The following OPRD1 variants were observed in gnomAD, a reference collection of about 807,000 sequenced individuals.
OPRD1 encodes opioid receptor delta 1.
In OPRD1, 19 loss-of-function variants were observed where a neutral mutation model predicts 17.5. The observed-to-expected ratio is 1.09, with a 90% CI of 0.76 to 1.60. OPRD1 has a LOEUF of 1.60. Among genes scored for constraint, OPRD1 ranks in the 40% most tolerant of loss-of-function variants. The pLI is 0.00. For synonymous variants in OPRD1, 256 were observed against 240.9 expected, an observed-to-expected ratio of 1.06 and a Z score of -0.58; for missense variants, 483 against 547.2, an observed-to-expected ratio of 0.88 and a Z score of 1.17.
At chr1:28,826,683 A>G (rs1264382055) in intron 1 of OPRD1, among the ~76,000 whole-genome samples, 4 of 152,174 alleles carry the variant, frequency 2.6e-5, no homozygotes, top group African/African-American at 9.7e-5. Flanking sequence ...TGCTGGTGAA[A>G]GGTCTTACCT....
chr1:28,854,217 A>G (rs1355948624), intron 1 of OPRD1, among the ~76,000 whole-genome samples: 1 of 151,926 alleles, frequency 6.6e-6, no homozygotes, highest in African/African-American at 2.4e-5. Flanking sequence ...CCAAATGGAA[A>G]GCCAGTTTAG....
At chr1:28,853,511 A>C (rs1336346655) in intron 1 of OPRD1, among the ~76,000 whole-genome samples, 1 of 152,212 alleles carries the variant, frequency 6.6e-6, no homozygotes, top group African/African-American at 2.4e-5. Context: ...ACGCTTCAAC[A>C]AGTACTATCT....
At chr1:28,825,664 G>T (rs572893709) in intron 1 of OPRD1, among the ~76,000 whole-genome samples, 4 of 152,220 alleles carry the variant, frequency 2.6e-5, no homozygotes, top group African/African-American at 9.6e-5. Context: ...GATTACAGGC[G>T]TGAGCCACAG....
chr1:28,822,044 T>A lies in OPRD1; in HGVS notation c.227+9434T>A, dbSNP rs897271063. ...TCGGCTCACCACAACCTCCGCCTCC[T>A]GGGTTCAAGCGATTCTCCTGCCTCA... On this transcript the variant is annotated intron_variant, in intron 1 of 2. Transcript: ENST00000234961. Among the ~76,000 whole-genome samples, 7 of 151,474 alleles carry A rather than the reference T, an allele frequency of 4.6e-5. No homozygotes were observed. The East Asian group carries it at 1.2e-3, about 25-fold the overall frequency.
At chr1:28,831,511 A>G (rs1260563336) in intron 1 of OPRD1, among the ~76,000 whole-genome samples, 1 of 148,650 alleles carries the variant, frequency 6.7e-6, no homozygotes, top group Admixed American at 6.7e-5. Context: ...TCCGTCTCAA[A>G]AAAAAAAAAA....
chr1:28,831,041 G>A (rs1425415408), intron 1 of OPRD1, among the ~76,000 whole-genome samples: 2 of 152,238 alleles, frequency 1.3e-5, no homozygotes, highest in Non-Finnish European at 2.9e-5. Flanking sequence ...CAGGACAGAT[G>A]GAGATAATCT....
intron 1 of OPRD1, among the ~76,000 whole-genome samples, chr1:28,844,504 T>C (rs1348049199): frequency 2.0e-5 from 3 of 152,086 alleles, no homozygotes; most frequent in Non-Finnish European, 4.4e-5. Flanking sequence ...TTGGCCAGGC[T>C]GGTCTCAAAC....
chr1:28,853,107 C>G (rs909390203), intron 1 of OPRD1, among the ~76,000 whole-genome samples: 1 of 152,174 alleles, frequency 6.6e-6, no homozygotes, highest in Admixed American at 6.6e-5. Context: ...TGAGTTAGCC[C>G]TCATCTACTG....
intron 1 of OPRD1, among the ~76,000 whole-genome samples, chr1:28,833,042 CTG>C (rs2088821709): frequency 6.6e-6 from 1 of 152,156 alleles, no homozygotes; most frequent in East Asian, 1.9e-4. Context: ...GAAATTACAA[CTG>C]TGGAAAAAAT....
intron 1 of OPRD1, among the ~76,000 whole-genome samples, chr1:28,850,037 G>A (rs963783131): frequency 2.0e-5 from 3 of 151,998 alleles, no homozygotes; most frequent in Non-Finnish European, 4.4e-5. Context: ...CCGCCACTAC[G>A]TCTGGCTAAT....
chr1:28,847,829 T>C (rs2088967221), intron 1 of OPRD1, among the ~76,000 whole-genome samples: 1 of 151,728 alleles, frequency 6.6e-6, no homozygotes, highest in Non-Finnish European at 1.5e-5. Context: ...AGAACCTGCC[T>C]CAAAAATAAA....
intron 1 of OPRD1, among the ~76,000 whole-genome samples, chr1:28,854,393 AT>A (rs111966727): frequency 3.9e-4 from 57 of 145,820 alleles, no homozygotes; most frequent in African/African-American, 3.8e-4. Flanking sequence ...TGCCCAACTA[AT>A]TTTTTTTTTT....
intron 1 of OPRD1, among the ~76,000 whole-genome samples, chr1:28,825,455 G>A (rs1461855493): frequency 2.0e-5 from 3 of 151,956 alleles, no homozygotes; most frequent in Admixed American, 6.6e-5. Flanking sequence ...GCACGATCTC[G>A]GCTCACTGCA....
At chr1:28,851,943 G>A (rs552413316) in intron 1 of OPRD1, among the ~76,000 whole-genome samples, 16 of 151,216 alleles carry the variant, frequency 1.1e-4, no homozygotes, top group Non-Finnish European at 2.9e-5. Flanking sequence ...TGAGGTGGGC[G>A]GATCATGAGG....
intron 1 of OPRD1, 65 bp downstream of exon 1, chr1:28,812,675 T>C (rs1557565891): frequency 1.5e-5 from 20 of 1,347,270 alleles, no homozygotes; most frequent in Non-Finnish European, 1.6e-5. Context: ...ATCACGAACT[T>C]GAGACCCCAA....
intron 1 of OPRD1, among the ~76,000 whole-genome samples, chr1:28,822,736 T>C (rs1449199417): frequency 6.6e-6 from 1 of 151,998 alleles, no homozygotes; most frequent in Non-Finnish European, 1.5e-5. Context: ...ATGATCCACC[T>C]GCCTCAGCCT....
intron 1 of OPRD1, among the ~76,000 whole-genome samples, chr1:28,823,167 G>A (rs964529256): frequency 1.4e-5 from 2 of 147,656 alleles, no homozygotes; most frequent in African/African-American, 5.0e-5. Flanking sequence ...GGTGTGTGCA[G>A]AAAGAATCTT....
chr1:28,863,580 T>C lies in OPRD1; in HGVS notation c.*297T>C. The C allele has an allele frequency of 2.7e-6, 1 of 367,836 alleles. No homozygotes were observed. The highest frequency in any genetic ancestry group is 4.6e-5 in the Admixed American group (1 of 21,846). 22.8% of individuals were successfully genotyped at this position (367,836 alleles called of 1,614,324 possible). On this transcript the variant is annotated 3_prime_UTR_variant, in exon 3 of 3. Coordinates refer to ENST00000234961, the MANE Select transcript of OPRD1 (RefSeq NM_000911.4). ...GTGACTCCAGGAGAGGAGCGGGACC[T>C]GTGGCTCTACAACTGAGTCCTTAAA... is the stretch of plus-strand genomic sequence containing the variant.
intron 1 of OPRD1, among the ~76,000 whole-genome samples, chr1:28,836,173 T>C (rs909661466): frequency 2.0e-5 from 3 of 152,134 alleles, no homozygotes; most frequent in African/African-American, 7.2e-5. Flanking sequence ...CTTCGTATAG[T>C]TCCCTAGGGC....
Sources: allele counts gnomAD v4.1 joint callset (sites outside exome capture counted in the v4.1 genomes callset), GRCh38; gene constraint gnomAD v4.1.1; transcripts MANE v1.5; gene names NCBI Gene and HGNC (gene_info 2026-07-23, HGNC 2026-07-21).